Variants in R3HDM1 observed in about 807,000 individuals in gnomAD.
R3HDM1 encodes the protein R3H domain-containing protein 1.
R3HDM1 carries 46 observed loss-of-function variants against 141.1 expected under a neutral mutation model. The ratio of observed to expected loss-of-function variants is 0.33; its 90% CI spans 0.26 to 0.42. The LOEUF (loss-of-function observed/expected upper bound fraction) is 0.42. R3HDM1 is among the 10% of genes least tolerant of loss of function. The probability of loss-of-function intolerance (pLI) is 1.00; values close to 1 mark genes in which losing one functional copy is unlikely to be tolerated. For synonymous variants in R3HDM1, 435 were observed against 472.9 expected (o/e 0.92, Z 1.04); for missense variants, 1,184 against 1,368.3 (o/e 0.87, Z 2.12).
intron 19 of R3HDM1, among the ~76,000 whole-genome samples, chr2:135,663,288 G>A (rs1380725744): frequency 2.6e-5 from 4 of 152,134 alleles, no homozygotes; most frequent in Non-Finnish European, 5.9e-5. Context: ...ATGATGAGAA[G>A]GAGGAAACAA....
intron 19 of R3HDM1, among the ~76,000 whole-genome samples, chr2:135,663,802 G>A (rs978123321): frequency 6.6e-6 from 1 of 152,106 alleles, no homozygotes; most frequent in Non-Finnish European, 1.5e-5. Context: ...CAAGGCGGGT[G>A]GATCACCTGA....
At chr2:135,632,030 T>C in intron 9 of R3HDM1, 29 bp downstream of exon 9, 2 of 1,493,234 alleles carry the variant, frequency 1.3e-6, no homozygotes, top group South Asian at 2.6e-5. Context: ...AACTACATAT[T>C]ATATATCTAA....
intron 1 of R3HDM1, among the ~76,000 whole-genome samples, chr2:135,533,435 A>T (rs1033308840): frequency 6.6e-6 from 1 of 152,228 alleles, no homozygotes; most frequent in Admixed American, 6.5e-5. Flanking sequence ...ATCTTGGGTG[A>T]TTTATATAGA....
chr2:135,723,897 G>T, intron 26 of R3HDM1, 40 bp from the exon 27 acceptor site: 1 of 1,505,104 alleles, frequency 6.6e-7, no homozygotes, highest in Non-Finnish European at 9.0e-7. Flanking sequence ...AACTTTTTTG[G>T]TAACAGGAAT....
At chr2:135,648,033 TC>T (rs776373583) in intron 16 of R3HDM1, among the ~76,000 whole-genome samples, 9 of 152,214 alleles carry the variant, frequency 5.9e-5, no homozygotes, top group Non-Finnish European at 1.2e-4. Flanking sequence ...ACATAGGAGA[TC>T]AAGTCATCTG....
intron 1 of R3HDM1, among the ~76,000 whole-genome samples, chr2:135,536,977 C>T (rs774238212): frequency 6.7e-6 from 1 of 148,948 alleles, no homozygotes; most frequent in South Asian, 2.1e-4. Context: ...TCCTCCTCAC[C>T]GCCTGCACCA....
At chr2:135,589,035 T>C (rs776655072) in intron 1 of R3HDM1, among the ~76,000 whole-genome samples, 4 of 152,150 alleles carry the variant, frequency 2.6e-5, no homozygotes, top group Non-Finnish European at 4.4e-5. Flanking sequence ...GTATTTAAAA[T>C]AGAAGAACAG....
chr2:135,636,449 T>C (rs1325391539), intron 11 of R3HDM1, among the ~76,000 whole-genome samples: 3 of 152,304 alleles, frequency 2.0e-5, no homozygotes, highest in East Asian at 1.9e-4. Flanking sequence ...CCAGTCTATA[T>C]AGTTTGTGTG....
chr2:135,634,627 G>C (rs1375927722), intron 9 of R3HDM1, among the ~76,000 whole-genome samples: 1 of 152,190 alleles, frequency 6.6e-6, no homozygotes, highest in African/African-American at 2.4e-5. Flanking sequence ...CTGGGTGACA[G>C]AGTGAGACTC....
chr2:135,557,046 A>C (rs1289875144), intron 1 of R3HDM1, among the ~76,000 whole-genome samples: 1 of 152,180 alleles, frequency 6.6e-6, no homozygotes, highest in Non-Finnish European at 1.5e-5. Flanking sequence ...TGCTCTTTAA[A>C]GATTGAAGAG....
At position 135,631,923 on chromosome 2, in the gene R3HDM1, C is replaced by T; in HGVS notation, c.620C>T (p.Ala207Val). ...CATAGGATGCTATTACACAGAGTAG[C>T]CGCTTACTTTGGATTAGACCACAAT... ...SYHRMLLHRV[A>V]AYFGLDHNVD... Residue 207 changes from alanine (A) to valine (V), a missense_variant, in exon 9 of 27, where the codon GCC (alanine) becomes GTC (valine). Ala to Val is a moderately conservative substitution (Grantham distance 64). Around this residue, in one of 5 missense-constraint regions of R3HDM1, gnomAD observed 7 missense variants for 25.8 expected, o/e 0.27. Transcript: ENST00000683871. 1 of 1,612,008 alleles carries T rather than the reference C, an allele frequency of 6.2e-7. No homozygotes were observed. Among genetic ancestry groups the T allele is most frequent in the Non-Finnish European group, 8.5e-7 (1 of 1,178,318 alleles).
intron 18 of R3HDM1, among the ~76,000 whole-genome samples, chr2:135,657,486 C>G (rs2066072566): frequency 6.6e-6 from 1 of 151,418 alleles, no homozygotes; most frequent in Non-Finnish European, 1.5e-5. Flanking sequence ...CTTTCTGATA[C>G]CTCCAGGAAC....
intron 16 of R3HDM1, chr2:135,649,259 G>A (rs973856638): frequency 6.6e-6 from 1 of 151,920 alleles, no homozygotes; most frequent in Non-Finnish European, 1.5e-5. Context: ...TAGAGACGGG[G>A]TTTCACCATG....
Position 135,607,943 on chromosome 2 carries a change from G to A in R3HDM1, c.171+2927G>A, listed in dbSNP as rs552110460. The stretch of plus-strand genomic sequence containing the variant: ...GCGACTGTAACGATTTGGAAGGAGG[G>A]AAAAAGAGAATGTGAGAATTTATTT... On this transcript the variant is annotated intron_variant, in intron 3 of 26. Coordinates refer to ENST00000683871, the MANE Select transcript of R3HDM1 (RefSeq NM_001378107.1). 45 of 983,692 alleles carry A rather than the reference G, an allele frequency of 4.6e-5. No homozygotes were observed. In the South Asian group the frequency reaches 1.1e-3, roughly 25 times the overall value. 60.9% of individuals were successfully genotyped at this position (983,692 alleles called of 1,614,324 possible).
intron 1 of R3HDM1, among the ~76,000 whole-genome samples, chr2:135,584,530 T>C (rs750496748): frequency 6.6e-6 from 1 of 152,194 alleles, no homozygotes; most frequent in Non-Finnish European, 1.5e-5. Context: ...CCAAAAAGAA[T>C]ATTAAAAGAT....
chr2:135,541,308 C>T (rs1329978719), intron 1 of R3HDM1, among the ~76,000 whole-genome samples: 2 of 152,046 alleles, frequency 1.3e-5, no homozygotes, highest in African/African-American at 2.4e-5. Flanking sequence ...CCTGGGTTCA[C>T]ATCATTCTCC....
At chr2:135,609,942 G>T (rs1472162620) in intron 3 of R3HDM1, among the ~76,000 whole-genome samples, 1 of 152,064 alleles carries the variant, frequency 6.6e-6, no homozygotes, top group African/African-American at 2.4e-5. Flanking sequence ...TACTCAAGAG[G>T]CTGAGGTGGG....
chr2:135,640,934 A>G (rs1311067381), intron 14 of R3HDM1, among the ~76,000 whole-genome samples: 1 of 152,242 alleles, frequency 6.6e-6, no homozygotes, highest in Non-Finnish European at 1.5e-5. Flanking sequence ...AGTACTTGGA[A>G]TATATTTCAT....
intron 7 of R3HDM1, among the ~76,000 whole-genome samples, chr2:135,629,652 A>T (rs1280159799): frequency 6.6e-6 from 1 of 152,224 alleles, no homozygotes; most frequent in East Asian, 1.9e-4. Context: ...TGTTCAAAGT[A>T]CCTGAGAAAG....
Sources: gnomAD v4.1 joint callset for allele counts (sites outside exome capture counted in the v4.1 genomes callset) on GRCh38, gnomAD v4.1.1 for gene constraint, gnomAD v4.1.1 regional missense constraint, MANE v1.5 for transcripts, NCBI Gene and HGNC (gene_info 2026-07-23, HGNC 2026-07-21) for gene names.